The following ARPC5L variants were observed in gnomAD, a reference collection of about 807,000 sequenced individuals.
ARPC5L encodes the protein actin related protein 2/3 complex subunit 5 like.
Under a neutral mutation model 16.9 loss-of-function variants are expected in ARPC5L, and 4 were observed. The observed-to-expected ratio is 0.24, with a 90% CI of 0.12 to 0.54. ARPC5L has a LOEUF of 0.54. Ranked by LOEUF, ARPC5L falls within the 20% of genes least tolerant of loss-of-function variation. The pLI is 0.95. For synonymous variants in ARPC5L, 78 were observed against 82.6 expected (o/e 0.94, Z 0.30); for missense variants, 151 against 201.9 (o/e 0.75, Z 1.53).
Position 124,869,149 on chromosome 9 carries a change from G to GGCA in ARPC5L, c.-140_-139insAGC, listed in dbSNP as rs1829314984. 5 of 1,013,030 alleles carry GGCA rather than the reference G, an allele frequency of 4.9e-6. No homozygotes were observed. The highest frequency in any genetic ancestry group is 6.4e-6 in the Non-Finnish European group (5 of 779,940). The allele number at this position is 1,013,030 out of a possible 1,614,324, so 62.8% of individuals were successfully genotyped here. On this transcript the variant is annotated 5_prime_UTR_variant, in exon 3 of 6. Transcript: ENST00000353214. ...GTGCCGGAAGTGGGCGGGCGGCGGCGGCTGCGCGCGGAGGCGGTGGAGGAG... is the reference window on the plus strand; with the variant it reads ...GTGCCGGAAGTGGGCGGGCGGCGGCGGCAGCTGCGCGCGGAGGCGGTGGAGGAG...
In ARPC5L at chr9:124,877,050, C is replaced by T. The variant is rs951861658; in HGVS notation, c.*110C>T. 1 of 797,786 alleles carries T rather than the reference C, an allele frequency of 1.3e-6. No individual in the cohort carries two copies. The highest frequency in any genetic ancestry group is 1.7e-5 in the African/African-American group (1 of 57,164). The allele number at this position is 797,786 out of a possible 1,614,324, so 49.4% of individuals were successfully genotyped here. ...CTAGGAACTCCCAAGTAAACTATTT[C>T]AGGACATGTATCTGCTGAAATGTAT... On this transcript the variant is annotated 3_prime_UTR_variant, in exon 6 of 6. Coordinates refer to ENST00000353214, the MANE Select transcript of ARPC5L (RefSeq NM_030978.3).
chr9:124,864,289 G>A (rs1829241891), intron 2 of ARPC5L, among the ~76,000 whole-genome samples, 182 bp downstream of exon 2: 1 of 151,674 alleles, frequency 6.6e-6, no homozygotes, highest in Admixed American at 6.6e-5. Context: ...AGGTTCAAGC[G>A]ATCCTTGTGC....
chr9:124,877,327 C>T lies in ARPC5L; in HGVS notation c.*387C>T, dbSNP rs1228940124. On this transcript the variant is annotated 3_prime_UTR_variant, in exon 6 of 6. Coordinates refer to ENST00000353214, the MANE Select transcript of ARPC5L (RefSeq NM_030978.3). ...AAAAAAACCCAAGAGTTTGTACAGA[C>T]ATCCTGTCTTCCCAGAGAAGGTGGA... 1 of 203,518 alleles carries T rather than the reference C, an allele frequency of 4.9e-6. No homozygotes were observed. Among genetic ancestry groups the T allele is most frequent in the Non-Finnish European group, 9.8e-6 (1 of 101,630 alleles). The allele number at this position is 203,518 out of a possible 1,614,324, so 12.6% of individuals were successfully genotyped here. A position where few individuals can be genotyped will look rare whatever the true frequency, so the allele number is the denominator to read the frequency against.
chr9:124,874,803 T>C (rs1378845473), intron 4 of ARPC5L, among the ~76,000 whole-genome samples, 172 bp from the exon 5 acceptor site: 1 of 152,132 alleles, frequency 6.6e-6, no homozygotes, highest in Non-Finnish European at 1.5e-5. Context: ...AAATAAAAGA[T>C]ACTTTGAAAT....
At chr9:124,876,522 C>T (rs995107138) in intron 5 of ARPC5L, among the ~76,000 whole-genome samples, 1 of 152,186 alleles carries the variant, frequency 6.6e-6, no homozygotes, top group African/African-American at 2.4e-5. Context: ...GTGGTGCACA[C>T]CTGTGGTCCC....
rs537612798 is a variant in ARPC5L, at chr9:124,869,222, G to T, written c.-69G>T. The T allele has an allele frequency of 7.3e-7, 1 of 1,376,156 alleles. No homozygotes were observed. The highest frequency in any genetic ancestry group is 9.4e-7 in the Non-Finnish European group (1 of 1,062,916). 85.2% of individuals were successfully genotyped at this position (1,376,156 alleles called of 1,614,324 possible). ...CGCTTCCCGCCCCCGAGCAGGAGCCGGTGCGAGCGGAGCAGAGCCGAGGTC... is the reference window on the plus strand; with the variant it reads ...CGCTTCCCGCCCCCGAGCAGGAGCCTGTGCGAGCGGAGCAGAGCCGAGGTC... On this transcript the variant is annotated 5_prime_UTR_variant, in exon 3 of 6. Transcript: ENST00000353214.
intron 3 of ARPC5L, among the ~76,000 whole-genome samples, chr9:124,872,258 C>T (rs1440344446): frequency 1.3e-5 from 2 of 152,126 alleles, no homozygotes; most frequent in Non-Finnish European, 2.9e-5. Context: ...TTCTGTTCAG[C>T]CTATGGGATC....
chr9:124,864,262 T>C (rs941762298), intron 2 of ARPC5L, among the ~76,000 whole-genome samples, 155 bp downstream of exon 2: 1 of 151,168 alleles, frequency 6.6e-6, no homozygotes, highest in African/African-American at 2.4e-5. Context: ...TTCAGCTCAC[T>C]GTAACCTCCA....
chr9:124,865,456 T>C (rs957062330), intron 2 of ARPC5L, among the ~76,000 whole-genome samples: 2 of 152,106 alleles, frequency 1.3e-5, no homozygotes, highest in African/African-American at 4.8e-5. Context: ...ACGCCACATC[T>C]AGTCAACCAG....
chr9:124,869,194 A>G lies in ARPC5L; in HGVS notation c.-97A>G. 1 of 1,296,896 alleles carries G rather than the reference A, an allele frequency of 7.7e-7. No individual in the cohort carries two copies. The highest frequency in any genetic ancestry group is 1.0e-6 in the Non-Finnish European group (1 of 1,004,860). The allele number at this position is 1,296,896 out of a possible 1,614,324, so 80.3% of individuals were successfully genotyped here. ...GAGGAGGTGCTGGGAGCAGCCGGGC[A>G]GCCGCTTCCCGCCCCCGAGCAGGAG... is the stretch of plus-strand genomic sequence containing the variant. On this transcript the variant is annotated 5_prime_UTR_variant, in exon 3 of 6. Transcript: ENST00000353214.
Position 124,862,150 on chromosome 9 carries a change from C to G in ARPC5L, c.-1232C>G, listed in dbSNP as rs573999222. 2 of 478,820 alleles carry G rather than the reference C, an allele frequency of 4.2e-6. No individual in the cohort carries two copies. Among genetic ancestry groups the G allele is most frequent in the East Asian group, 3.5e-5 (1 of 28,818 alleles). 29.7% of individuals were successfully genotyped at this position (478,820 alleles called of 1,614,324 possible). A position where few individuals can be genotyped will look rare whatever the true frequency, so the allele number is the denominator to read the frequency against. ...GCCTCATTCACGGCACCCCTGATAG[C>G]GAGGTCGGCGTCACGGTGTAGGCGC... On this transcript the variant is annotated 5_prime_UTR_variant, in exon 1 of 6. Coordinates refer to ENST00000353214, the MANE Select transcript of ARPC5L (RefSeq NM_030978.3).
rs945807629 is a variant in ARPC5L, at chr9:124,862,372, C to T, written c.-1010C>T. ...GAGGAGGGGCCAGAGTTTTCAAAGA[C>T]GATTAACCGAGGCTCACGTCGCGGA... On this transcript the variant is annotated 5_prime_UTR_variant, in exon 1 of 6. The change creates a new upstream start codon in the 5' untranslated region. Transcript: ENST00000353214. 1 of 163,786 alleles carries T rather than the reference C, an allele frequency of 6.1e-6. No homozygotes were observed. The highest frequency in any genetic ancestry group is 1.3e-5 in the Non-Finnish European group (1 of 75,858). The allele number at this position is 163,786 out of a possible 1,614,324, so 10.1% of individuals were successfully genotyped here.
chr9:124,867,854 G>A (rs567080497), intron 2 of ARPC5L, among the ~76,000 whole-genome samples: 31 of 148,776 alleles, frequency 2.1e-4, no homozygotes, highest in African/African-American at 7.7e-4. Context: ...TTGTCGCTCA[G>A]GCTGGAGCGT....
chr9:124,869,394 C>G lies in ARPC5L; in HGVS notation c.104C>G (p.Ala35Gly), dbSNP rs1245977772. The change falls in exon 3 of 6, where the codon GCG becomes GGG. Residue 35 changes from alanine to glycine, a missense_variant. By Grantham distance (60) the Ala-to-Gly change is moderately conservative. Coordinates refer to ENST00000353214, the MANE Select transcript of ARPC5L (RefSeq NM_030978.3). ...DEQEEAAAAA[A>G]EPGPDPSEVD... is the part of the protein sequence containing the mutation. ...CAGGAGGAGGCGGCGGCGGCGGCGG[C>G]GGAGCCAGGCCCGGACCCGAGCGAG... The G allele has an allele frequency of 4.6e-6, 7 of 1,509,018 alleles. No homozygotes were observed. The highest frequency in any genetic ancestry group is 6.2e-6 in the Non-Finnish European group (7 of 1,128,564). The allele number at this position is 1,509,018 out of a possible 1,614,324, so 93.5% of individuals were successfully genotyped here. A position where few individuals can be genotyped will look rare whatever the true frequency, so the allele number is the denominator to read the frequency against.
rs1221437983 is a variant in ARPC5L, at chr9:124,869,048, A to T, written c.-243A>T. The T allele has an allele frequency of 2.6e-6, 1 of 388,838 alleles. No homozygotes were observed. The highest frequency in any genetic ancestry group is 4.5e-6 in the Non-Finnish European group (1 of 222,536). 24.1% of individuals were successfully genotyped at this position (388,838 alleles called of 1,614,324 possible). ...CGTGGAAGGGACACTGAGGTGGGGG[A>T]GGCTGCGGTGATCCCATACCGCACT... On this transcript the variant is annotated 5_prime_UTR_variant, in exon 3 of 6. Transcript: ENST00000353214.
chr9:124,867,808 CTTTT>C (rs57343594), intron 2 of ARPC5L, among the ~76,000 whole-genome samples: 7 of 98,782 alleles, frequency 7.1e-5, no homozygotes, highest in Non-Finnish European at 1.1e-4. Context: ...CTTTTCTTTT[CTTTT>C]TTTTTTTTTT....
At chr9:124,863,014 ATTTG>A (rs1222973057) in intron 1 of ARPC5L, among the ~76,000 whole-genome samples, 1 of 151,104 alleles carries the variant, frequency 6.6e-6, no homozygotes, top group Non-Finnish European at 1.5e-5. Context: ...GGCCTGGCTA[ATTTG>A]TTTATTTTTT....
rs189762935 is a variant in ARPC5L, at chr9:124,866,061, G to A, written c.-864+1954G>A. The stretch of plus-strand genomic sequence containing the variant: ...CGGAGGTTGCAGTGAGCTGAGGTTG[G>A]GCCACTGCACTCTAGCCTAGGCGAC... On this transcript the variant is annotated intron_variant, in intron 2 of 5. Coordinates refer to ENST00000353214, the MANE Select transcript of ARPC5L (RefSeq NM_030978.3). Among the ~76,000 whole-genome samples, 1,115 of 141,420 alleles carry A rather than the reference G, an allele frequency of 7.9e-3. 11 individuals are homozygous for A. The highest frequency in any genetic ancestry group is 0.014 in the Non-Finnish European group (878 of 64,522). 92.8% of individuals were successfully genotyped at this position (141,420 alleles called of 152,430 possible).
In ARPC5L at chr9:124,869,202, C is replaced by A. The variant is rs898747669; in HGVS notation, c.-89C>A. On this transcript the variant is annotated 5_prime_UTR_variant, in exon 3 of 6. Transcript: ENST00000353214. ...GCTGGGAGCAGCCGGGCAGCCGCTTCCCGCCCCCGAGCAGGAGCCGGTGCG... is the reference window on the plus strand; with the variant it reads ...GCTGGGAGCAGCCGGGCAGCCGCTTACCGCCCCCGAGCAGGAGCCGGTGCG... 3 of 1,327,578 alleles carry A rather than the reference C, an allele frequency of 2.3e-6. No individual in the cohort carries two copies. Among genetic ancestry groups the A allele is most frequent in the Non-Finnish European group, 2.9e-6 (3 of 1,030,020 alleles). The allele number at this position is 1,327,578 out of a possible 1,614,324, so 82.2% of individuals were successfully genotyped here.
Sources: allele counts gnomAD v4.1 joint callset (sites outside exome capture counted in the v4.1 genomes callset), GRCh38; gene constraint gnomAD v4.1.1; transcripts MANE v1.5; gene names NCBI Gene and HGNC (gene_info 2026-07-23, HGNC 2026-07-21).